BBS9: variants seen among roughly 807,000 people sequenced by gnomAD.
BBS9 encodes protein PTHB1.
A neutral mutation model predicts 117.7 loss-of-function variants in BBS9; 89 were observed. The observed-to-expected ratio is 0.76, with a 90% CI of 0.64 to 0.90. The LOEUF (loss-of-function observed/expected upper bound fraction) is 0.90, where lower values mean the gene tolerates loss of function less well. Ranked by LOEUF, BBS9 falls within the 40% of genes least tolerant of loss-of-function variation. BBS9 has a pLI of 0.00. For missense variants in BBS9, 982 were observed against 1,042.2 expected (o/e 0.94, Z 0.80); for synonymous variants, 379 against 370.9 (o/e 1.02, Z -0.25).
chr7:33,385,651 G>T (rs1461249966), intron 18 of BBS9, among the ~76,000 whole-genome samples: 1 of 152,020 alleles, frequency 6.6e-6, no homozygotes, highest in Non-Finnish European at 1.5e-5. Context: ...AGTGTATCAA[G>T]AATTTAGGAA....
At chr7:33,566,061 A>AAACTG (rs1856889274) in intron 21 of BBS9, among the ~76,000 whole-genome samples, 1 of 151,080 alleles carries the variant, frequency 6.6e-6, no homozygotes. Context: ...TGTCTATTTA[A>AAACTG]GTTTCCTTCC....
At chr7:33,384,467 T>G (rs1366478074) in intron 18 of BBS9, among the ~76,000 whole-genome samples, 1 of 152,202 alleles carries the variant, frequency 6.6e-6, no homozygotes, top group Non-Finnish European at 1.5e-5. Context: ...TTTTGAAGAT[T>G]GATTTGATGA....
chr7:33,249,226 G>GAC (rs143505945), intron 5 of BBS9, among the ~76,000 whole-genome samples: 18,915 of 148,162 alleles, frequency 0.13, 1,481 homozygotes, highest in East Asian at 0.3. Context: ...TGGGCATGGG[G>GAC]ACACACACAC....
chr7:33,190,457 C>T (rs1305747214), intron 5 of BBS9, among the ~76,000 whole-genome samples: 3 of 152,140 alleles, frequency 2.0e-5, no homozygotes, highest in Non-Finnish European at 4.4e-5. Context: ...TGTTTTCTTT[C>T]CAACCTTGTC....
rs547642405 is a variant in BBS9 at position 33,632,326 on chromosome 7, G to C, written c.2522-2851G>C. Among the ~76,000 whole-genome samples, 42 of 152,270 alleles carry C rather than the reference G, an allele frequency of 2.8e-4. No homozygotes were observed. In the East Asian group the frequency reaches 7.6e-3, roughly 27 times the overall value. The stretch of plus-strand genomic sequence containing the variant: ...TCAATGTTCCACCGACCCTATGGTG[G>C]GGGGATCGCTGCTTTCCACTTATTT... On this transcript the variant is annotated intron_variant, in intron 21 of 21. Coordinates refer to the BBS9 transcript ENST00000671952.
intron 20 of BBS9, among the ~76,000 whole-genome samples, chr7:33,525,214 T>A (rs1328361064): frequency 2.0e-5 from 3 of 151,210 alleles, no homozygotes; most frequent in Non-Finnish European, 4.4e-5. Context: ...CTGAAAAAAA[T>A]GTATATTCTG....
chr7:33,588,007 A>G (rs1861228968), intron 21 of BBS9, among the ~76,000 whole-genome samples: 2 of 152,076 alleles, frequency 1.3e-5, no homozygotes, highest in Admixed American at 1.3e-4. Context: ...TCCCAAGCAG[A>G]CAGATGTCTT....
At chr7:33,231,564 T>A (rs1467847039) in intron 5 of BBS9, among the ~76,000 whole-genome samples, 2 of 151,992 alleles carry the variant, frequency 1.3e-5, no homozygotes, top group East Asian at 3.9e-4. Flanking sequence ...TGGTTCCATA[T>A]AAACTTTTAT....
chr7:33,334,131 C>G (rs528716244), intron 9 of BBS9, among the ~76,000 whole-genome samples: 5 of 152,268 alleles, frequency 3.3e-5, no homozygotes, highest in Middle Eastern at 3.4e-3. Context: ...CCTATTTGAA[C>G]TCAGAAACTT....
At chr7:33,295,448 G>A (rs1437746793) in intron 9 of BBS9, among the ~76,000 whole-genome samples, 1 of 151,406 alleles carries the variant, frequency 6.6e-6, no homozygotes, top group Non-Finnish European at 1.5e-5. Flanking sequence ...AGATTTTTTT[G>A]TGATGCTTAA....
chr7:33,626,182 C>T (rs978192932), intron 21 of BBS9, among the ~76,000 whole-genome samples: 6 of 152,178 alleles, frequency 3.9e-5, no homozygotes, highest in Non-Finnish European at 7.3e-5. Context: ...TCCCTTCTCT[C>T]TCTTCCTCCT....
chr7:33,152,328 G>A (rs1265904353), intron 2 of BBS9, among the ~76,000 whole-genome samples: 5 of 151,990 alleles, frequency 3.3e-5, no homozygotes, highest in African/African-American at 7.3e-5. Context: ...CAGTGTTTTC[G>A]ACAGCCACAA....
intron 2 of BBS9, among the ~76,000 whole-genome samples, chr7:33,151,959 G>A (rs1221489662): frequency 6.8e-6 from 1 of 146,372 alleles, no homozygotes; most frequent in East Asian, 2.1e-4. Flanking sequence ...CTTGGCTCAA[G>A]CAGTCCTTCC....
At chr7:33,496,301 C>T (rs1585026498) in intron 19 of BBS9, among the ~76,000 whole-genome samples, 2 of 152,028 alleles carry the variant, frequency 1.3e-5, no homozygotes, top group East Asian at 1.9e-4. Context: ...GTCAGGAGTT[C>T]GAAACCAGCC....
chr7:33,282,795 A>C (rs1034854276), intron 9 of BBS9, among the ~76,000 whole-genome samples: 3 of 152,254 alleles, frequency 2.0e-5, no homozygotes, highest in Non-Finnish European at 2.9e-5. Context: ...TTTCTAAAAG[A>C]CTTCTCTAAA....
intron 5 of BBS9, among the ~76,000 whole-genome samples, chr7:33,184,382 C>T (rs186056987): frequency 1.3e-5 from 2 of 152,262 alleles, no homozygotes; most frequent in East Asian, 3.9e-4. Context: ...GCAAAGAGCG[C>T]AAGGCAGATT....
intron 7 of BBS9, among the ~76,000 whole-genome samples, chr7:33,271,891 A>C (rs1799863780): frequency 6.6e-6 from 1 of 152,198 alleles, no homozygotes; most frequent in Non-Finnish European, 1.5e-5. Context: ...TCCATCCCAA[A>C]ACAACAGAAT....
intron 21 of BBS9, among the ~76,000 whole-genome samples, chr7:33,616,565 A>T (rs192774910): frequency 3.5e-4 from 53 of 150,162 alleles, no homozygotes; most frequent in African/African-American, 1.3e-3. Context: ...GAAACCACAA[A>T]AGGAAGAAAA....
intron 19 of BBS9, among the ~76,000 whole-genome samples, chr7:33,492,811 A>AGAGTGT (rs779723867): frequency 2.7e-4 from 36 of 131,668 alleles, no homozygotes; most frequent in African/African-American, 9.8e-4. Context: ...TATAGGAGTG[A>AGAGTGT]GTGTGTGTGT....
Sources: allele counts gnomAD v4.1 joint callset (sites outside exome capture counted in the v4.1 genomes callset), GRCh38; gene constraint gnomAD v4.1.1; transcripts MANE v1.5; gene names NCBI Gene and HGNC (gene_info 2026-07-23, HGNC 2026-07-21).